The following EIF2AK2 variants were observed in gnomAD, a reference collection of about 807,000 sequenced individuals.
EIF2AK2 encodes the protein eukaryotic translation initiation factor 2 alpha kinase 2.
In EIF2AK2, 40 loss-of-function variants were observed where a neutral mutation model predicts 70.5. That is an observed-to-expected ratio of 0.57 (90% CI 0.44 to 0.74). The LOEUF is 0.74. EIF2AK2 is among the 30% of genes least tolerant of loss of function. The pLI is 0.00. For missense variants in EIF2AK2, 555 were observed against 644.3 expected (o/e 0.86, Z 1.50); for synonymous variants, 198 against 220.9 (o/e 0.90, Z 0.92).
At chr2:37,126,518 C>T (rs1008912551) in intron 10 of EIF2AK2, 107 bp from the exon 11 acceptor site, 3 of 1,453,574 alleles carry the variant, frequency 2.1e-6, no homozygotes, top group Non-Finnish European at 2.8e-6. Flanking sequence ...GACAATAAAA[C>T]AAATTTGATT....
At chr2:37,109,416 A>G (rs1674071231) in intron 14 of EIF2AK2, 121 bp from the exon 15 acceptor site, 1 of 785,208 alleles carries the variant, frequency 1.3e-6, no homozygotes. Flanking sequence ...TCTATTTATT[A>G]GCAAAATCTG....
In EIF2AK2 at chr2:37,100,642, A is replaced by C. The variant is rs1473387755; in HGVS notation, c.*6631T>G. ...GTCATAATCACAGATCAGAAACTGC[A>C]GACATTGAGGCCTGGATGGCCGTTT... is the stretch of plus-strand genomic sequence containing the variant. On this transcript the variant is annotated 3_prime_UTR_variant, in exon 17 of 17. Transcript: ENST00000233057. 2 of 152,214 alleles carry C rather than the reference A, an allele frequency of 1.3e-5. No individual in the cohort carries two copies. The highest frequency in any genetic ancestry group is 3.8e-4 in the East Asian group (2 of 5,206). 9.4% of individuals were successfully genotyped at this position (152,214 alleles called of 1,614,324 possible).
intron 4 of EIF2AK2, among the ~76,000 whole-genome samples, chr2:37,143,938 A>G (rs1019667481): frequency 6.6e-6 from 1 of 152,162 alleles, no homozygotes; most frequent in South Asian, 2.1e-4. Context: ...TTTACATTGT[A>G]TTAGAGATAT....
In EIF2AK2 at chr2:37,138,493, G is replaced by A; in HGVS notation, c.593+16C>T. The A allele has an allele frequency of 6.2e-7, 1 of 1,612,648 alleles. No individual in the cohort carries two copies. The highest frequency in any genetic ancestry group is 8.5e-7 in the Non-Finnish European group (1 of 1,179,260). On this transcript the variant is annotated intron_variant, in intron 7 of 16. Coordinates refer to ENST00000233057, the MANE Select transcript of EIF2AK2 (RefSeq NM_001135651.3). ...TATGAATATGTTAAGTATCTCAATT[G>A]TTTGTCTACACTTACAGTGTGCTGG...
At position 37,107,093 on chromosome 2, in the gene EIF2AK2, A is replaced by T. The variant is rs1381209959; in HGVS notation, c.*180T>A. ...GAGCCAGGAAAAAGTAAAATGTAAG[A>T]ATGTTTTTGAAGCAAAAAGAAGAAA... On this transcript the variant is annotated 3_prime_UTR_variant, in exon 17 of 17. Transcript: ENST00000233057. 7 of 772,668 alleles carry T rather than the reference A, an allele frequency of 9.1e-6. No individual in the cohort carries two copies. In the Admixed American group the frequency reaches 2.2e-4, roughly 24 times the overall value. 47.9% of individuals were successfully genotyped at this position (772,668 alleles called of 1,614,324 possible). A position where few individuals can be genotyped will look rare whatever the true frequency, so the allele number is the denominator to read the frequency against.
intron 4 of EIF2AK2, among the ~76,000 whole-genome samples, chr2:37,144,481 A>G (rs190568211): frequency 6.6e-6 from 1 of 152,228 alleles, no homozygotes; most frequent in Admixed American, 6.5e-5. Flanking sequence ...GCTCCTGAAC[A>G]CTTTCCAGAG....
At chr2:37,109,339 T>C (rs1558406401) in intron 14 of EIF2AK2, 44 bp from the exon 15 acceptor site, 1 of 1,556,674 alleles carries the variant, frequency 6.4e-7, no homozygotes, top group Non-Finnish European at 8.8e-7. Context: ...GCTCCTTACA[T>C]AAATATCCAG....
intron 1 of EIF2AK2, among the ~76,000 whole-genome samples, chr2:37,155,615 T>C (rs1675894922): frequency 6.6e-6 from 1 of 152,136 alleles, no homozygotes; most frequent in Non-Finnish European, 1.5e-5. Flanking sequence ...GGGGAGCAGA[T>C]TCTACATCTT....
chr2:37,136,101 C>T (rs1387074515), intron 9 of EIF2AK2, among the ~76,000 whole-genome samples: 2 of 152,218 alleles, frequency 1.3e-5, no homozygotes, highest in African/African-American at 4.8e-5. Context: ...CATCTCCTTA[C>T]ACCCTCATCC....
chr2:37,135,047 C>G (rs1256975177), intron 10 of EIF2AK2, among the ~76,000 whole-genome samples: 2 of 152,136 alleles, frequency 1.3e-5, no homozygotes, highest in African/African-American at 4.8e-5. Flanking sequence ...GAAGATATAG[C>G]CTGAAGCATT....
Position 37,129,774 on chromosome 2 carries a change from C to T in EIF2AK2, c.786-3363G>A, listed in dbSNP as rs529443564. ...TTCTTGGTCATTCCTCATTCCCCCA[C>T]TCCTTTACTAGGAAGGGACATCCTA... is the stretch of plus-strand genomic sequence containing the variant. On this transcript the variant is annotated intron_variant, in intron 10 of 16. Transcript: ENST00000233057. Among the ~76,000 whole-genome samples, 3 of 152,318 alleles carry T rather than the reference C, an allele frequency of 2.0e-5. No individual in the cohort carries two copies. In the South Asian group the frequency reaches 6.2e-4, roughly 32 times the overall value.
chr2:37,109,213 G>T lies in EIF2AK2; in HGVS notation c.1460C>A (p.Thr487Asn). The change falls in exon 15 of 17, where the codon ACT becomes AAT. Residue 487 changes from threonine to asparagine, a missense_variant. Coordinates refer to ENST00000233057, the MANE Select transcript of EIF2AK2 (RefSeq NM_001135651.3). ...ILAELLHVCD[T>N]AFETSKFFTD... ...TTTTACCTTTGATGTTTCAAAAGCA[G>T]TGTCACATACATGAAGAAGTTCAGC... 1 of 1,614,064 alleles carries T rather than the reference G, an allele frequency of 6.2e-7. No individual in the cohort carries two copies.
intron 14 of EIF2AK2, among the ~76,000 whole-genome samples, chr2:37,109,730 G>A (rs1387356060): frequency 2.0e-5 from 3 of 152,174 alleles, no homozygotes; most frequent in South Asian, 2.1e-4. Context: ...AATGGACTAC[G>A]ACTCAGCAAT....
Position 37,100,753 on chromosome 2 carries a change from G to A in EIF2AK2, c.*6520C>T, listed in dbSNP as rs983529466. On this transcript the variant is annotated 3_prime_UTR_variant, in exon 17 of 17. Transcript: ENST00000233057. Reference sequence around the variant, plus strand: ...CTCCTATCTTCAGTGCAGTGTTCTGGCAGCACCTCAAGCTCACTGTCACCA... The same window carrying A: ...CTCCTATCTTCAGTGCAGTGTTCTGACAGCACCTCAAGCTCACTGTCACCA... The A allele has an allele frequency of 3.6e-4, 55 of 152,130 alleles. 1 individual carries two copies. Among genetic ancestry groups the A allele is most frequent in the African/African-American group, 1.3e-3 (53 of 41,414 alleles). 9.4% of individuals were successfully genotyped at this position (152,130 alleles called of 1,614,324 possible). A position where few individuals can be genotyped will look rare whatever the true frequency, so the allele number is the denominator to read the frequency against.
At chr2:37,136,686 G>A (rs1365466564) in intron 9 of EIF2AK2, 1 of 198,658 alleles carries the variant, frequency 5.0e-6, no homozygotes, top group Non-Finnish European at 1.0e-5. Flanking sequence ...CACTTCTCTT[G>A]AAAACACTTC....
intron 3 of EIF2AK2, 41 bp downstream of exon 3, chr2:37,147,647 C>T: frequency 7.4e-7 from 1 of 1,353,338 alleles, no homozygotes; most frequent in South Asian, 1.2e-5. Context: ...ATGAACTCAT[C>T]ATTTTTTATG....
chr2:37,156,421 G>C (rs1372192065), intron 1 of EIF2AK2, among the ~76,000 whole-genome samples: 1 of 152,250 alleles, frequency 6.6e-6, no homozygotes, highest in African/African-American at 2.4e-5. Flanking sequence ...CAGGGGTGAG[G>C]ATACGGAGTG....
At chr2:37,140,857 T>G (rs1435679140) in intron 5 of EIF2AK2, among the ~76,000 whole-genome samples, 2 of 151,860 alleles carry the variant, frequency 1.3e-5, no homozygotes, top group Non-Finnish European at 2.9e-5. Context: ...TTAAACTATT[T>G]GCCATGTAGA....
chr2:37,131,564 C>G (rs912258492), intron 10 of EIF2AK2, among the ~76,000 whole-genome samples: 1 of 152,180 alleles, frequency 6.6e-6, no homozygotes, highest in African/African-American at 2.4e-5. Flanking sequence ...CACAGATGCT[C>G]ACTCCTAATC....
Sources: allele counts gnomAD v4.1 joint callset (sites outside exome capture counted in the v4.1 genomes callset), GRCh38; gene constraint gnomAD v4.1.1; transcripts MANE v1.5; gene names NCBI Gene and HGNC (gene_info 2026-07-23, HGNC 2026-07-21).